Variants in MTR observed in about 807,000 individuals in gnomAD.
The protein encoded by MTR is 5-methyltetrahydrofolate-homocysteine methyltransferase.
In MTR, 84 loss-of-function variants were observed where a neutral mutation model predicts 154.8. That is an observed-to-expected ratio of 0.54 (90% confidence interval 0.45 to 0.65). The LOEUF (loss-of-function observed/expected upper bound fraction) is 0.65. Among genes scored for constraint, MTR ranks in the 30% least tolerant of loss-of-function variants. The pLI, the probability that MTR is intolerant of heterozygous loss-of-function variation, is 0.00. For missense variants in MTR, 1,275 were observed against 1,570.2 expected (o/e 0.81, Z 3.18); for synonymous variants, 554 against 553.9 (o/e 1.00, Z 0.00).
At chr1:236,835,435 A>T in intron 13 of MTR, 112 bp from the exon 14 acceptor site, 1 of 1,343,864 alleles carries the variant, frequency 7.4e-7, no homozygotes, top group Non-Finnish European at 1.1e-6. Flanking sequence ...GAGTCTGGCG[A>T]GGTAGTCTGT....
chr1:236,817,608 G>C (rs983275876), intron 8 of MTR, among the ~76,000 whole-genome samples: 12 of 152,210 alleles, frequency 7.9e-5, no homozygotes, highest in African/African-American at 2.9e-4. Context: ...CTGAGACTCA[G>C]AGGTTGTAAC....
At chr1:236,823,992 T>C in intron 8 of MTR, 127 bp from the exon 9 acceptor site, 1 of 801,502 alleles carries the variant, frequency 1.2e-6, no homozygotes, top group South Asian at 1.5e-5. Flanking sequence ...GGTAGTTGAA[T>C]AAAAGTGCTT....
chr1:236,842,181 G>A (rs1456084906), intron 15 of MTR, among the ~76,000 whole-genome samples: 4 of 152,134 alleles, frequency 2.6e-5, no homozygotes, highest in Non-Finnish European at 5.9e-5. Context: ...GTGAGCCACC[G>A]CGCCCGGCTG....
intron 16 of MTR, among the ~76,000 whole-genome samples, chr1:236,851,261 C>T (rs534411321): frequency 6.6e-6 from 1 of 152,212 alleles, no homozygotes; most frequent in Non-Finnish European, 1.5e-5. Flanking sequence ...CTTCTTATTT[C>T]AGCTCTCATC....
intron 24 of MTR, among the ~76,000 whole-genome samples, chr1:236,880,160 A>C (rs924809535): frequency 3.9e-5 from 6 of 152,136 alleles, no homozygotes; most frequent in Admixed American, 2.6e-4. Context: ...CGTCTCAAAA[A>C]AATAAAATGA....
Position 236,853,106 on chromosome 1 carries a change from C to G in MTR, c.1953+18C>G. 6.2e-7 allele frequency: 1 copy of G among 1,613,462 alleles called. No homozygotes were observed. The highest frequency in any genetic ancestry group is 8.5e-7 in the Non-Finnish European group (1 of 1,179,578). ...ATGCCCAGGTAGAGAGACAAGTGTT[C>G]TAATAGATGGATTTTTCCTATCTTT... On this transcript the variant is annotated intron_variant, in intron 18 of 32. Coordinates refer to ENST00000366577, the MANE Select transcript of MTR (RefSeq NM_000254.3).
At chr1:236,890,460 A>G (rs1666254988) in intron 28 of MTR, among the ~76,000 whole-genome samples, 1 of 152,152 alleles carries the variant, frequency 6.6e-6, no homozygotes, top group Non-Finnish European at 1.5e-5. Flanking sequence ...CCCTGTACAC[A>G]TACAATTCCA....
chr1:236,876,711 A>AG (rs1204035428), intron 24 of MTR, among the ~76,000 whole-genome samples: 1 of 85,534 alleles, frequency 1.2e-5, no homozygotes, highest in Non-Finnish European at 2.5e-5. Context: ...ACCAGATTAA[A>AG]GAAAAAAAAA....
intron 18 of MTR, among the ~76,000 whole-genome samples, chr1:236,854,481 CA>C (rs1664089725): frequency 6.6e-6 from 1 of 152,166 alleles, no homozygotes; most frequent in Non-Finnish European, 1.5e-5. Context: ...CTTCTTTGAA[CA>C]TTGAGACATG....
rs184800029 is a variant in MTR at position 236,883,727 on chromosome 1, A to G, written c.2677-1394A>G. The stretch of plus-strand genomic sequence containing the variant: ...TGCCACGATGGCCTTTTCTGATTGT[A>G]TTCCTGAATGAGGTGATTTTGTTTT... On this transcript the variant is annotated intron_variant, in intron 25 of 32. Transcript: ENST00000366577. 3.9e-5 allele frequency among the ~76,000 whole-genome samples: 6 copies of G among 152,268 alleles called. No individual in the cohort carries two copies. The East Asian group carries it at 1.2e-3, about 29-fold the overall frequency.
chr1:236,824,736 G>GC (rs1453642397), intron 9 of MTR, among the ~76,000 whole-genome samples: 1 of 152,170 alleles, frequency 6.6e-6, no homozygotes, highest in African/African-American at 2.4e-5. Context: ...ATGTATTTGA[G>GC]CACTGCTTAG....
intron 8 of MTR, among the ~76,000 whole-genome samples, chr1:236,822,199 T>C (rs1230780826): frequency 6.6e-6 from 1 of 151,990 alleles, no homozygotes; most frequent in African/African-American, 2.4e-5. Flanking sequence ...ATGTTTTCAT[T>C]TATTTAGATC....
intron 25 of MTR, among the ~76,000 whole-genome samples, chr1:236,884,215 A>G (rs2147915544): frequency 6.6e-6 from 1 of 152,372 alleles, no homozygotes. Context: ...ATGCACCTCC[A>G]GACACTGGGC....
At chr1:236,854,325 G>T (rs1664078946) in intron 18 of MTR, among the ~76,000 whole-genome samples, 1 of 152,182 alleles carries the variant, frequency 6.6e-6, no homozygotes, top group South Asian at 2.1e-4. Context: ...AACATTTCCA[G>T]TTTCTCATGT....
intron 24 of MTR, among the ~76,000 whole-genome samples, chr1:236,877,680 A>T (rs1360545258): frequency 6.6e-6 from 1 of 152,136 alleles, no homozygotes; most frequent in Non-Finnish European, 1.5e-5. Flanking sequence ...TGGGGCTATC[A>T]CAAACAATGC....
chr1:236,876,372 C>T (rs1665433200), intron 24 of MTR, among the ~76,000 whole-genome samples: 1 of 152,180 alleles, frequency 6.6e-6, no homozygotes, highest in East Asian at 1.9e-4. Context: ...GGAAATGTGG[C>T]AGACTTGGTC....
chr1:236,858,510 C>T (rs1036829297), intron 18 of MTR, among the ~76,000 whole-genome samples: 3 of 152,104 alleles, frequency 2.0e-5, no homozygotes, highest in Non-Finnish European at 4.4e-5. Flanking sequence ...AGTACCATGT[C>T]GTGAAAGCAA....
intron 16 of MTR, 78 bp downstream of exon 16, chr1:236,850,601 A>G (rs2103242397): frequency 2.3e-6 from 3 of 1,285,742 alleles, no homozygotes; most frequent in East Asian, 4.8e-5. Flanking sequence ...GAACTAACTT[A>G]TATATTTATT....
chr1:236,806,666 C>G (rs1240875216), intron 3 of MTR, among the ~76,000 whole-genome samples: 1 of 152,152 alleles, frequency 6.6e-6, no homozygotes, highest in African/African-American at 2.4e-5. Context: ...ATTGTGCTAT[C>G]ATCACCACTG....
Sources: gnomAD v4.1 joint callset for allele counts (sites outside exome capture counted in the v4.1 genomes callset) on GRCh38, gnomAD v4.1.1 for gene constraint, MANE v1.5 for transcripts, NCBI Gene and HGNC (gene_info 2026-07-23, HGNC 2026-07-21) for gene names.